The following NSF variants were observed in gnomAD, a reference collection of about 807,000 sequenced individuals.
NSF encodes the protein vesicle-fusing ATPase.
In NSF, 14 loss-of-function variants were observed where a neutral mutation model predicts 50.3. That is an observed-to-expected ratio of 0.28 (90% CI 0.18 to 0.44). The LOEUF is 0.44. Ranked by LOEUF, NSF falls within the 20% of genes least tolerant of loss-of-function variation. The pLI is 1.00. For synonymous variants in NSF, 109 were observed against 175.7 expected, an observed-to-expected ratio of 0.62 and a Z score of 3.00; for missense variants, 218 against 504.3, an observed-to-expected ratio of 0.43 and a Z score of 5.44.
chr17:46,750,690 T>C (rs951327499), intron 18 of NSF, among the ~76,000 whole-genome samples: 2 of 152,054 alleles, frequency 1.3e-5, no homozygotes, highest in African/African-American at 4.8e-5. Context: ...CCAGCATGAG[T>C]GATGTATATA....
intron 17 of NSF, among the ~76,000 whole-genome samples, chr17:46,729,810 G>A (rs780155250): frequency 2.0e-5 from 3 of 152,020 alleles, no homozygotes; most frequent in Non-Finnish European, 4.4e-5. Flanking sequence ...ATATATGTGC[G>A]TGTATTTTGC....
chr17:46,757,326 T>G lies in NSF; in HGVS notation c.*1503T>G, dbSNP rs2059243513. The G allele has an allele frequency of 6.5e-6, 1 of 152,674 alleles. No homozygotes were observed. The highest frequency in any genetic ancestry group is 6.5e-5 in the Admixed American group (1 of 15,282). The allele number at this position is 152,674 out of a possible 1,614,324, so 9.5% of individuals were successfully genotyped here. A position where few individuals can be genotyped will look rare whatever the true frequency, so the allele number is the denominator to read the frequency against. On this transcript the variant is annotated 3_prime_UTR_variant, in exon 21 of 21. Coordinates refer to ENST00000398238, the MANE Select transcript of NSF (RefSeq NM_006178.4). The stretch of plus-strand genomic sequence containing the variant: ...TAAGATCTTGCCTCTTTCCTCCTCA[T>G]GAAAGCAGCACACATTGTGTTAACT...
At chr17:46,741,161 C>T (rs1216672970) in intron 17 of NSF, among the ~76,000 whole-genome samples, 2 of 152,100 alleles carry the variant, frequency 1.3e-5, no homozygotes, top group African/African-American at 4.8e-5. Flanking sequence ...GACATGAGAG[C>T]CTCAGACAGA....
At chr17:46,731,223 G>T (rs559728686) in intron 17 of NSF, among the ~76,000 whole-genome samples, 96 of 152,188 alleles carry the variant, frequency 6.3e-4, no homozygotes, top group Admixed American at 1.0e-3. Flanking sequence ...CTAAGCAAAA[G>T]GAGCCAGTCA....
intron 17 of NSF, among the ~76,000 whole-genome samples, chr17:46,748,005 T>G (rs1389538603): frequency 6.6e-6 from 1 of 152,226 alleles, no homozygotes; most frequent in Non-Finnish European, 1.5e-5. Context: ...AGTTTTGTAT[T>G]AAAAAGGTTA....
At chr17:46,635,820 C>G (rs1399883179) in intron 4 of NSF, among the ~76,000 whole-genome samples, 1 of 29,632 alleles carries the variant, frequency 3.4e-5, no homozygotes, top group Non-Finnish European at 1.0e-4. Context: ...TGTGTGTGTG[C>G]TCGTGTGTGA....
At chr17:46,687,322 A>C (rs2058501958) in intron 9 of NSF, among the ~76,000 whole-genome samples, 1 of 146,950 alleles carries the variant, frequency 6.8e-6, no homozygotes, top group Admixed American at 6.8e-5. Flanking sequence ...AGTTGTGTAT[A>C]TCTTGTTCTC....
Position 46,733,587 on chromosome 17 carries a change from T to G in NSF, c.1908+4653T>G, listed in dbSNP as rs1238106999. On this transcript the variant is annotated intron_variant, in intron 17 of 20. Transcript: ENST00000398238. ...TCCTCAGTTCAGTGCTTCCCAACCTTTTTAGATTATGGTGCATACAAAATG... is the reference window on the plus strand; with the variant it reads ...TCCTCAGTTCAGTGCTTCCCAACCTGTTTAGATTATGGTGCATACAAAATG... Among the ~76,000 whole-genome samples the G allele has an allele frequency of 2.0e-5, 3 of 152,138 alleles. No homozygotes were observed. The East Asian group carries it at 5.8e-4, about 29-fold the overall frequency.
chr17:46,719,143 C>T lies in NSF; in HGVS notation c.1761+5157C>T, dbSNP rs2058803443. ...GCAGAAGGTTGGCATTTAGTTATTT[C>T]TTTAGCTACATTTCAATGACTAAAT... On this transcript the variant is annotated intron_variant, in intron 15 of 20. Coordinates refer to ENST00000398238, the MANE Select transcript of NSF (RefSeq NM_006178.4). The surrounding 1 kb of genome is among the most constrained non-coding windows in gnomAD (Gnocchi z 4.3). Among the ~76,000 whole-genome samples, 1 of 152,178 alleles carries T rather than the reference C, an allele frequency of 6.6e-6. No homozygotes were observed. The highest frequency in any genetic ancestry group is 2.4e-5 in the African/African-American group (1 of 41,446).
intron 10 of NSF, among the ~76,000 whole-genome samples, chr17:46,693,433 C>T (rs1369363941): frequency 2.0e-5 from 3 of 151,608 alleles, no homozygotes; most frequent in African/African-American, 4.9e-5. Context: ...CCAGGGAGTG[C>T]GTTTCAGATC....
intron 17 of NSF, among the ~76,000 whole-genome samples, chr17:46,738,282 A>G (rs2146314837): frequency 6.6e-6 from 1 of 152,286 alleles, no homozygotes; most frequent in East Asian, 1.9e-4. Context: ...ATTTGAGGAT[A>G]TGTTCTGTGT....
At chr17:46,752,275 T>G (rs1024719790) in intron 19 of NSF, among the ~76,000 whole-genome samples, 2 of 152,114 alleles carry the variant, frequency 1.3e-5, no homozygotes, top group African/African-American at 4.8e-5. Context: ...CTTTCTTCAT[T>G]TTAGAACTCC....
intron 17 of NSF, among the ~76,000 whole-genome samples, chr17:46,746,209 A>AAAT (rs1246122033): frequency 6.6e-6 from 1 of 152,184 alleles, no homozygotes. Flanking sequence ...TTGATTCCTC[A>AAAT]AATAATAATA....
intron 14 of NSF, among the ~76,000 whole-genome samples, chr17:46,712,164 T>C (rs1448412590): frequency 6.6e-6 from 1 of 152,166 alleles, no homozygotes; most frequent in East Asian, 1.9e-4. Flanking sequence ...GTTTGAAGTA[T>C]GTGGAGTAGT....
intron 17 of NSF, among the ~76,000 whole-genome samples, chr17:46,729,362 A>G (rs2058926180): frequency 6.6e-6 from 1 of 152,164 alleles, no homozygotes; most frequent in African/African-American, 2.4e-5. Context: ...TTCTTTGGGC[A>G]GTTAAAAAAC....
intron 1 of NSF, among the ~76,000 whole-genome samples, chr17:46,605,287 G>A (rs1328004075): frequency 1.2e-4 from 8 of 66,512 alleles, no homozygotes; most frequent in African/African-American, 4.4e-4. Context: ...TGTCTCTACT[G>A]AAAATACAAA....
At chr17:46,685,468 C>T (rs1409107068) in intron 9 of NSF, among the ~76,000 whole-genome samples, 18 of 151,880 alleles carry the variant, frequency 1.2e-4, no homozygotes, top group African/African-American at 3.4e-4. Context: ...TCCACACTGA[C>T]GGAGATGAAC....
chr17:46,721,662 T>C, intron 15 of NSF: 2 of 1,603,636 alleles, frequency 1.2e-6, no homozygotes, highest in Non-Finnish European at 1.7e-6. Flanking sequence ...GTTTCAACCT[T>C]GTGTTCCACA....
chr17:46,742,155 T>A (rs888321293), intron 17 of NSF, among the ~76,000 whole-genome samples: 5 of 152,218 alleles, frequency 3.3e-5, no homozygotes, highest in Non-Finnish European at 7.3e-5. Flanking sequence ...GCTAATCAAT[T>A]GATTAAAAGA....
Sources: allele counts gnomAD v4.1 joint callset (sites outside exome capture counted in the v4.1 genomes callset), GRCh38; gene constraint gnomAD v4.1.1; non-coding constraint Gnocchi (gnomAD v3.1); transcripts MANE v1.5; gene names NCBI Gene and HGNC (gene_info 2026-07-23, HGNC 2026-07-21).